MINDY4: variants seen among roughly 807,000 people sequenced by gnomAD.
The protein encoded by MINDY4 is MINDY lysine 48 deubiquitinase 4.
A neutral mutation model predicts 87.0 loss-of-function variants in MINDY4; 68 were observed. The observed-to-expected ratio is 0.78, with a 90% CI of 0.64 to 0.96. The LOEUF (loss-of-function observed/expected upper bound fraction) is 0.96, where lower values mean the gene tolerates loss of function less well. Among genes scored for constraint, MINDY4 ranks in the 40% least tolerant of loss-of-function variants. The pLI, the probability that MINDY4 is intolerant of heterozygous loss-of-function variation, is 0.00. For missense variants in MINDY4, 919 were observed against 928.2 expected (o/e 0.99, Z 0.13); for synonymous variants, 379 against 363.2 (o/e 1.04, Z -0.50).
chr7:30,878,141 C>T (rs756728654), intron 15 of MINDY4, among the ~76,000 whole-genome samples: 7 of 152,038 alleles, frequency 4.6e-5, no homozygotes, highest in Non-Finnish European at 1.0e-4. Flanking sequence ...CTGGCCTGGC[C>T]CTCTCCTCAG....
intron 17 of MINDY4, among the ~76,000 whole-genome samples, chr7:30,887,307 G>A (rs1790662626): frequency 6.6e-6 from 1 of 152,170 alleles, no homozygotes; most frequent in Admixed American, 6.5e-5. Context: ...CACCTGCCCT[G>A]TGCTGGCTCT....
chr7:30,803,207 G>C (rs1466719921), intron 5 of MINDY4: 1 of 152,270 alleles, frequency 6.6e-6, no homozygotes. Context: ...ACGCTGGAGA[G>C]AGTTGACAGG....
intron 9 of MINDY4, among the ~76,000 whole-genome samples, chr7:30,846,661 A>C (rs1054070758): frequency 6.6e-6 from 1 of 151,992 alleles, no homozygotes; most frequent in African/African-American, 2.4e-5. Flanking sequence ...TCACGCAGGC[A>C]CATACAGCCC....
At chr7:30,777,588 C>T (rs1786864332) in intron 1 of MINDY4, among the ~76,000 whole-genome samples, 3 of 152,278 alleles carry the variant, frequency 2.0e-5, no homozygotes, top group South Asian at 4.1e-4. Context: ...GTTTCCCCAG[C>T]AGCTAGAGCC....
intron 9 of MINDY4, 84 bp downstream of exon 9, chr7:30,840,932 G>A: frequency 3.3e-6 from 4 of 1,208,414 alleles, no homozygotes; most frequent in Non-Finnish European, 4.8e-6. Context: ...GGAAGCATGT[G>A]TGTTCCCTGA....
intron 5 of MINDY4, among the ~76,000 whole-genome samples, chr7:30,818,015 C>T (rs1469357241): frequency 6.6e-6 from 1 of 152,142 alleles, no homozygotes; most frequent in East Asian, 1.9e-4. Flanking sequence ...GCTGGACATC[C>T]TCATCTTGTT....
At position 30,791,418 on chromosome 7, in the gene MINDY4, C is replaced by T. The variant is rs541721487; in HGVS notation, c.917C>T (p.Pro306Leu). 54 of 1,614,116 alleles carry T rather than the reference C, an allele frequency of 3.3e-5. No individual in the cohort carries two copies. Among genetic ancestry groups the T allele is most frequent in the African/African-American group, 2.5e-4 (19 of 75,026 alleles). The change falls in exon 5 of 18, where the codon CCG becomes CTG. Residue 306 changes from proline (P) to leucine (L), a missense_variant. Transcript: ENST00000265299. ...CTGCCCCCATGGGACAGGGCCAGGC[C>T]GAGGGATCCCTCCGAGGACACCCCA... ...KRLPPWDRAR[P>L]RDPSEDTPAV...
chr7:30,798,622 G>A (rs1487157781), intron 5 of MINDY4, among the ~76,000 whole-genome samples: 5 of 152,142 alleles, frequency 3.3e-5, no homozygotes, highest in East Asian at 1.9e-4. Flanking sequence ...TCAGCCTCCC[G>A]AGTAGCTGGG....
intron 15 of MINDY4, among the ~76,000 whole-genome samples, chr7:30,877,683 C>T (rs79435357): frequency 1.4e-4 from 16 of 112,682 alleles, no homozygotes; most frequent in South Asian, 6.7e-4. Context: ...TCTTCTTCTT[C>T]TTTTTTTTTT....
At chr7:30,872,392 C>A (rs3801324) in intron 14 of MINDY4, 86 bp downstream of exon 14, 196,520 of 1,263,334 alleles carry the variant, frequency 0.16, 28,133 homozygotes, top group African/African-American at 0.69. Flanking sequence ...CCTCTTGCCC[C>A]AGAAAAAGAC....
At chr7:30,814,913 G>C in intron 5 of MINDY4, among the ~76,000 whole-genome samples, 2 of 152,284 alleles carry the variant, frequency 1.3e-5, no homozygotes, top group Non-Finnish European at 2.9e-5. Flanking sequence ...CTTACGCAGG[G>C]GAATGCCTTA....
intron 5 of MINDY4, among the ~76,000 whole-genome samples, chr7:30,824,862 T>G (rs947395681): frequency 1.3e-5 from 2 of 152,232 alleles, no homozygotes; most frequent in Admixed American, 1.3e-4. Context: ...ACCTTGCTTC[T>G]TCTCTGTTAT....
chr7:30,835,066 T>C (rs1004525686), intron 6 of MINDY4, among the ~76,000 whole-genome samples: 15 of 152,236 alleles, frequency 9.9e-5, no homozygotes, highest in African/African-American at 3.6e-4. Flanking sequence ...CACTTCCACA[T>C]TTTCGGATAT....
intron 5 of MINDY4, among the ~76,000 whole-genome samples, chr7:30,823,682 C>T (rs956224606): frequency 2.6e-5 from 4 of 152,154 alleles, no homozygotes; most frequent in East Asian, 1.9e-4. Flanking sequence ...TTTACAGCCT[C>T]TCTGAGATTT....
chr7:30,849,902 C>G (rs2128570627), intron 9 of MINDY4, among the ~76,000 whole-genome samples: 1 of 152,340 alleles, frequency 6.6e-6, no homozygotes, highest in East Asian at 1.9e-4. Context: ...ACTCAAAACA[C>G]AGAGCTCATC....
chr7:30,800,616 C>T (rs146064454), intron 5 of MINDY4, among the ~76,000 whole-genome samples: 45 of 152,246 alleles, frequency 3.0e-4, no homozygotes, highest in Non-Finnish European at 4.1e-4. Context: ...AGTTAAGGGA[C>T]GCTATTGAGG....
intron 5 of MINDY4, 119 bp from the exon 6 acceptor site, chr7:30,828,560 A>C: frequency 9.7e-7 from 1 of 1,029,700 alleles, no homozygotes; most frequent in South Asian, 1.4e-5. Context: ...CACAGAGGCA[A>C]GGCCAAGACT....
At chr7:30,833,902 C>A (rs576805942) in intron 6 of MINDY4, among the ~76,000 whole-genome samples, 2 of 152,366 alleles carry the variant, frequency 1.3e-5, no homozygotes, top group Admixed American at 1.3e-4. Flanking sequence ...TGTCTCACAT[C>A]TAGGTCATGC....
Position 30,872,309 on chromosome 7 carries a change from CA to C in MINDY4, c.1809+4del, listed in dbSNP as rs746500215. The C allele has an allele frequency of 2.3e-5, 37 of 1,613,820 alleles. No homozygotes were observed. The highest frequency in any genetic ancestry group is 2.7e-5 in the Non-Finnish European group (32 of 1,179,906). On this transcript the variant is annotated splice_donor_region_variant and intron_variant, in intron 14 of 17. Coordinates refer to ENST00000265299, the MANE Select transcript of MINDY4 (RefSeq NM_032222.3). Reference sequence around the variant, plus strand: ...GAGCACATGGCTACTGTACACAGGTCAGGGGGCGCTGTGGGGCCCAGGTGGT... The same window carrying C: ...GAGCACATGGCTACTGTACACAGGTCGGGGGCGCTGTGGGGCCCAGGTGGT...
Sources: gnomAD v4.1 joint callset for allele counts (sites outside exome capture counted in the v4.1 genomes callset) on GRCh38, gnomAD v4.1.1 for gene constraint, MANE v1.5 for transcripts, NCBI Gene and HGNC (gene_info 2026-07-23, HGNC 2026-07-21) for gene names.